The following ARL15 variants were observed in gnomAD, a reference collection of about 807,000 sequenced individuals.
The protein encoded by ARL15 is ARF like GTPase 15.
A neutral mutation model predicts 25.2 loss-of-function variants in ARL15; 19 were observed. The ratio of observed to expected loss-of-function variants is 0.75; its 90% CI spans 0.53 to 1.10. The LOEUF is 1.10. ARL15 is among the 50% of genes least tolerant of loss of function. ARL15 has a pLI of 0.00. For synonymous variants in ARL15, 94 were observed against 86.8 expected, an observed-to-expected ratio of 1.08 and a Z score of -0.46; for missense variants, 220 against 246.0, an observed-to-expected ratio of 0.89 and a Z score of 0.71.
In ARL15 at chr5:54,113,157, G is replaced by C. The variant is rs528597163; in HGVS notation, c.462+45C>G. The C allele has an allele frequency of 4.4e-6, 7 of 1,591,772 alleles. No individual in the cohort carries two copies. The South Asian group carries it at 7.9e-5, about 18-fold the overall frequency. ...TCCAGGTTCCAACGTGGCAGCAAAA[G>C]TACAAGCAAGGAAGACAAAGAGTTG... On this transcript the variant is annotated intron_variant, in intron 4 of 4. Transcript: ENST00000504924.
intron 4 of ARL15, among the ~76,000 whole-genome samples, chr5:53,909,849 A>C (rs1745395948): frequency 6.6e-6 from 1 of 152,246 alleles, no homozygotes; most frequent in Non-Finnish European, 1.5e-5. Flanking sequence ...GAAGCTCAAC[A>C]AACATGAGTT....
At chr5:54,213,907 T>C (rs1339398936) in intron 1 of ARL15, among the ~76,000 whole-genome samples, 1 of 152,218 alleles carries the variant, frequency 6.6e-6, no homozygotes, top group Non-Finnish European at 1.5e-5. Context: ...TGTAATCTTT[T>C]GAGATTTAAT....
intron 4 of ARL15, among the ~76,000 whole-genome samples, chr5:54,095,495 G>A (rs1175411166): frequency 6.6e-6 from 1 of 152,112 alleles, no homozygotes; most frequent in Non-Finnish European, 1.5e-5. Flanking sequence ...GAGGTTGAGA[G>A]CTGCTAAAGG....
chr5:53,964,305 T>C (rs528234240), intron 4 of ARL15, among the ~76,000 whole-genome samples: 105 of 152,318 alleles, frequency 6.9e-4, no homozygotes, highest in African/African-American at 2.2e-3. Flanking sequence ...TAGTATCTTC[T>C]CCCTTGAGAA....
At chr5:54,200,740 G>A (rs550566433) in intron 1 of ARL15, among the ~76,000 whole-genome samples, 33 of 152,276 alleles carry the variant, frequency 2.2e-4, no homozygotes, top group Non-Finnish European at 2.2e-4. Flanking sequence ...AGGTGCCACA[G>A]AAAATACATT....
chr5:54,206,584 G>T (rs1202949922), intron 1 of ARL15, among the ~76,000 whole-genome samples: 2 of 152,134 alleles, frequency 1.3e-5, no homozygotes, highest in South Asian at 2.1e-4. Context: ...CTCTGTGGGG[G>T]ATAAGAAAAC....
chr5:54,146,895 C>G (rs35006), intron 3 of ARL15, among the ~76,000 whole-genome samples: 37,373 of 152,054 alleles, frequency 0.25, 5,674 homozygotes, highest in Admixed American at 0.37. Context: ...AGGCACTTCT[C>G]CAGAAGAAAA....
At chr5:54,246,043 T>C (rs528579462) in intron 1 of ARL15, among the ~76,000 whole-genome samples, 1 of 152,260 alleles carries the variant, frequency 6.6e-6, no homozygotes, top group Admixed American at 6.5e-5. Flanking sequence ...AGGGGAAGTG[T>C]CATTGATAGA....
chr5:53,916,128 G>T (rs1039686471), intron 4 of ARL15, among the ~76,000 whole-genome samples: 19 of 152,030 alleles, frequency 1.2e-4, no homozygotes, highest in African/African-American at 4.1e-4. Context: ...GGGCTCAAGC[G>T]ATCCTTCTCT....
intron 4 of ARL15, among the ~76,000 whole-genome samples, chr5:53,955,207 C>A (rs1456823671): frequency 1.3e-5 from 2 of 151,564 alleles, no homozygotes; most frequent in African/African-American, 4.9e-5. Flanking sequence ...AATCCTGATA[C>A]CCCAATACTT....
intron 1 of ARL15, among the ~76,000 whole-genome samples, chr5:54,272,210 C>T (rs1448214317): frequency 6.4e-5 from 9 of 139,620 alleles, no homozygotes; most frequent in Non-Finnish European, 1.1e-4. Flanking sequence ...GCCTTGGCTT[C>T]CCAAAGTTCT....
chr5:53,960,069 G>A (rs948177404), intron 4 of ARL15, among the ~76,000 whole-genome samples: 4 of 152,050 alleles, frequency 2.6e-5, no homozygotes, highest in African/African-American at 9.7e-5. Context: ...TAGTTCAAAC[G>A]AAAGTGCTTG....
rs189665073 is a variant in ARL15 at position 53,935,594 on chromosome 5, T to C, written c.463-48881A>G. On this transcript the variant is annotated intron_variant, in intron 4 of 4. Transcript: ENST00000504924. ...CAAAGAGTTACTGAGAAGAATCCTT[T>C]GAAATGTACTTCAAGGTTTTCTGGA... Among the ~76,000 whole-genome samples, 746 of 152,312 alleles carry C rather than the reference T, an allele frequency of 4.9e-3. 2 individuals are homozygous for C. The highest frequency in any genetic ancestry group is 8.8e-3 in the Admixed American group (135 of 15,304).
At chr5:54,071,519 C>T (rs970346370) in intron 4 of ARL15, among the ~76,000 whole-genome samples, 30 of 108,700 alleles carry the variant, frequency 2.8e-4, no homozygotes, top group East Asian at 2.3e-3. Flanking sequence ...TTCCCCCCCC[C>T]CCCCCCGCAA....
At chr5:54,157,313 A>T (rs1460759843) in intron 2 of ARL15, among the ~76,000 whole-genome samples, 1 of 152,236 alleles carries the variant, frequency 6.6e-6, no homozygotes, top group Non-Finnish European at 1.5e-5. Flanking sequence ...AGATTATGTC[A>T]CTGTTATTGT....
intron 2 of ARL15, among the ~76,000 whole-genome samples, chr5:54,157,984 A>G (rs898683767): frequency 2.6e-5 from 4 of 152,236 alleles, no homozygotes; most frequent in African/African-American, 7.2e-5. Flanking sequence ...AACATTTGAA[A>G]GGATTAAATG....
intron 1 of ARL15, among the ~76,000 whole-genome samples, chr5:54,295,226 G>A (rs1460225334): frequency 6.6e-6 from 1 of 152,132 alleles, no homozygotes; most frequent in Admixed American, 6.5e-5. Flanking sequence ...TGAATATTAA[G>A]TACACATAAT....
At chr5:54,065,954 T>C (rs1243813968) in intron 4 of ARL15, among the ~76,000 whole-genome samples, 1 of 152,220 alleles carries the variant, frequency 6.6e-6, no homozygotes, top group African/African-American at 2.4e-5. Context: ...TGCATTACAT[T>C]TGGATCAATA....
intron 1 of ARL15, among the ~76,000 whole-genome samples, chr5:54,204,868 A>G (rs1755820740): frequency 6.6e-6 from 1 of 151,462 alleles, no homozygotes; most frequent in Non-Finnish European, 1.5e-5. Flanking sequence ...ACTGTTTTTC[A>G]TGGAAGTACC....
Sources: allele counts gnomAD v4.1 joint callset (sites outside exome capture counted in the v4.1 genomes callset), GRCh38; gene constraint gnomAD v4.1.1; transcripts MANE v1.5; gene names NCBI Gene and HGNC (gene_info 2026-07-23, HGNC 2026-07-21).